TNKS: variants seen among roughly 807,000 people sequenced by gnomAD.
The protein encoded by TNKS is tankyrase.
A neutral mutation model predicts 135.8 loss-of-function variants in TNKS; 72 were observed. The ratio of observed to expected loss-of-function variants is 0.53; its 90% CI spans 0.44 to 0.64. TNKS has a LOEUF of 0.64. Among genes scored for constraint, TNKS ranks in the 30% least tolerant of loss-of-function variants. The pLI is 0.00. For synonymous variants in TNKS, 849 were observed against 649.3 expected, an observed-to-expected ratio of 1.31 and a Z score of -4.68; for missense variants, 1,769 against 1,674.0, an observed-to-expected ratio of 1.06 and a Z score of -0.99.
chr8:9,722,342 A>C (rs1332261490), intron 12 of TNKS: 1 of 152,160 alleles, frequency 6.6e-6, no homozygotes, highest in African/African-American at 2.4e-5. Flanking sequence ...GCATAATAAA[A>C]CTAATTGTGC....
intron 18 of TNKS, among the ~76,000 whole-genome samples, chr8:9,749,584 C>T (rs950809300): frequency 2.0e-5 from 3 of 151,746 alleles, no homozygotes; most frequent in African/African-American, 4.8e-5. Flanking sequence ...AAGCCATCCT[C>T]GTATCTCAAT....
chr8:9,705,155 C>A lies in TNKS; in HGVS notation c.1202+398C>A, dbSNP rs1271481204. Among the ~76,000 whole-genome samples, 4 of 151,998 alleles carry A rather than the reference C, an allele frequency of 2.6e-5. 1 individual carries two copies. The highest frequency in any genetic ancestry group is 9.7e-5 in the African/African-American group (4 of 41,382). ...AAACCAAAATCATAAGTATACAATA[C>A]CAAATTTTTTTTCTGGTGAAATCTT... On this transcript the variant is annotated intron_variant, in intron 6 of 26. Transcript: ENST00000310430.
chr8:9,750,457 G>C (rs1806461153), intron 18 of TNKS, among the ~76,000 whole-genome samples: 1 of 152,152 alleles, frequency 6.6e-6, no homozygotes, highest in Non-Finnish European at 1.5e-5. Flanking sequence ...AATTTCCTTA[G>C]CCAAATTTAC....
At chr8:9,755,332 T>C (rs560248624) in intron 20 of TNKS, among the ~76,000 whole-genome samples, 45 of 152,304 alleles carry the variant, frequency 3.0e-4, no homozygotes, top group South Asian at 6.2e-4. Flanking sequence ...TCATTCTGAG[T>C]AAATGGTTCC....
intron 3 of TNKS, among the ~76,000 whole-genome samples, chr8:9,673,876 T>C (rs1802418237): frequency 6.6e-6 from 1 of 152,160 alleles, no homozygotes; most frequent in Admixed American, 6.5e-5. Context: ...TTTTTTTCTT[T>C]TAAAAAAATG....
In TNKS at chr8:9,733,197, A is replaced by G. The variant is rs547837327; in HGVS notation, c.2148-82A>G. 5.2e-6 allele frequency: 7 copies of G among 1,343,276 alleles called. No individual in the cohort carries two copies. The African/African-American group carries it at 7.3e-5, about 14-fold the overall frequency. The allele number at this position is 1,343,276 out of a possible 1,614,324, so 83.2% of individuals were successfully genotyped here. A position where few individuals can be genotyped will look rare whatever the true frequency, so the allele number is the denominator to read the frequency against. ...TGTTCAGTATAGTCAGTACCATAGAAGAATGGTAGGATTTTTATTATAAGA... is the reference window on the plus strand; with the variant it reads ...TGTTCAGTATAGTCAGTACCATAGAGGAATGGTAGGATTTTTATTATAAGA... On this transcript the variant is annotated intron_variant, in intron 14 of 26. Coordinates refer to ENST00000310430, the MANE Select transcript of TNKS (RefSeq NM_003747.3).
rs1805220649 is a variant in TNKS at position 9,727,481 on chromosome 8, A to T, written c.2001+761A>T. 2.0e-5 allele frequency among the ~76,000 whole-genome samples: 3 copies of T among 152,118 alleles called. No homozygotes were observed. In the East Asian group the frequency reaches 5.8e-4, roughly 29 times the overall value. On this transcript the variant is annotated intron_variant, in intron 13 of 26. Transcript: ENST00000310430. ...CAAGGTCTTGCTGTATTGCCCAGGC[A>T]GGCCTCAAACTCCTGGGGCTCAAGC...
At chr8:9,678,490 T>C (rs1802642446) in intron 3 of TNKS, among the ~76,000 whole-genome samples, 1 of 152,222 alleles carries the variant, frequency 6.6e-6, no homozygotes, top group Non-Finnish European at 1.5e-5. Context: ...ATATTCTAGC[T>C]TATATTCTTA....
chr8:9,690,999 A>AAG (rs965133935), intron 5 of TNKS, among the ~76,000 whole-genome samples: 8 of 152,080 alleles, frequency 5.3e-5, no homozygotes, highest in African/African-American at 1.4e-4. Flanking sequence ...GGTTCTGCTT[A>AAG]AGAGAGAGAG....
At chr8:9,657,861 G>A (rs1415774512) in intron 3 of TNKS, among the ~76,000 whole-genome samples, 14 of 143,678 alleles carry the variant, frequency 9.7e-5, no homozygotes, top group South Asian at 2.3e-4. Flanking sequence ...GCTGCCGGGC[G>A]GAGGGGCTCC....
chr8:9,733,783 T>A (rs1206215861), intron 15 of TNKS, among the ~76,000 whole-genome samples: 2 of 152,210 alleles, frequency 1.3e-5, no homozygotes, highest in African/African-American at 2.4e-5. Flanking sequence ...AGTTGGGTTT[T>A]TTTTCTTTGT....
Position 9,570,467 on chromosome 8 carries a change from G to A in TNKS, c.674-9692G>A, listed in dbSNP as rs113470633. 3.2e-3 allele frequency among the ~76,000 whole-genome samples: 480 copies of A among 152,278 alleles called. 4 individuals are homozygous for A. The highest frequency in any genetic ancestry group is 0.01 in the African/African-American group (432 of 41,564). On this transcript the variant is annotated intron_variant, in intron 1 of 26. Coordinates refer to ENST00000310430, the MANE Select transcript of TNKS (RefSeq NM_003747.3). ...GCAGAACCACCAGTCCCTTGCTGGC[G>A]TGGTGGACAGAATTACCACATGGCC...
chr8:9,605,395 G>A (rs1341769401), intron 2 of TNKS, among the ~76,000 whole-genome samples: 13 of 151,940 alleles, frequency 8.6e-5, no homozygotes, highest in African/African-American at 3.1e-4. Context: ...GTTTGCTTCA[G>A]ATTTTTTTTC....
intron 5 of TNKS, among the ~76,000 whole-genome samples, chr8:9,695,889 G>A (rs996633492): frequency 2.0e-5 from 3 of 152,186 alleles, no homozygotes; most frequent in South Asian, 2.1e-4. Context: ...AAAGGATGGC[G>A]TTGTCATTAA....
chr8:9,716,918 G>T (rs1333120014), intron 11 of TNKS, among the ~76,000 whole-genome samples: 1 of 151,394 alleles, frequency 6.6e-6, no homozygotes, highest in Non-Finnish European at 1.5e-5. Flanking sequence ...ATGAAAAAGG[G>T]AGAATTATAA....
At chr8:9,583,284 G>T (rs1798240770) in intron 2 of TNKS, among the ~76,000 whole-genome samples, 1 of 151,526 alleles carries the variant, frequency 6.6e-6, no homozygotes, top group South Asian at 2.1e-4. Flanking sequence ...AAATCAACTT[G>T]AAATGCTTGT....
In TNKS at chr8:9,763,854, T is replaced by C. The variant is rs1030777081; in HGVS notation, c.3372+610T>C. Among the ~76,000 whole-genome samples, 12 of 152,178 alleles carry C rather than the reference T, an allele frequency of 7.9e-5. 1 individual carries two copies. Among genetic ancestry groups the C allele is most frequent in the Admixed American group, 2.6e-4 (4 of 15,282 alleles). ...ATAAGTAAGCTACCCAATTGTGTTA[T>C]GCACATACCTAGGCAGAAAAAGGTA... On this transcript the variant is annotated intron_variant, in intron 22 of 26. Transcript: ENST00000310430.
chr8:9,768,533 C>T (rs111258766), intron 25 of TNKS, among the ~76,000 whole-genome samples: 1,786 of 152,328 alleles, frequency 0.012, 35 homozygotes, highest in African/African-American at 0.04. Flanking sequence ...ATGCACCAGA[C>T]AAGCCAGTGA....
intron 3 of TNKS, among the ~76,000 whole-genome samples, chr8:9,639,019 A>G (rs1585263443): frequency 6.6e-6 from 1 of 152,282 alleles, no homozygotes; most frequent in African/African-American, 2.4e-5. Flanking sequence ...CTCAAAACAA[A>G]TTATTGTCTA....
Sources: gnomAD v4.1 joint callset for allele counts (sites outside exome capture counted in the v4.1 genomes callset) on GRCh38, gnomAD v4.1.1 for gene constraint, MANE v1.5 for transcripts, NCBI Gene and HGNC (gene_info 2026-07-23, HGNC 2026-07-21) for gene names.